The following GMDS variants were observed in gnomAD, a reference collection of about 807,000 sequenced individuals.
GMDS encodes GDP-mannose 4,6 dehydratase.
Under a neutral mutation model 49.9 loss-of-function variants are expected in GMDS, and 20 were observed. The ratio of observed to expected loss-of-function variants is 0.40; its 90% CI spans 0.28 to 0.58. The LOEUF is 0.58. Among genes scored for constraint, GMDS ranks in the 20% least tolerant of loss-of-function variants. The pLI is 0.42. For missense variants in GMDS, 362 were observed against 481.4 expected (o/e 0.75, Z 2.32); for synonymous variants, 177 against 178.6 (o/e 0.99, Z 0.07).
chr6:1,892,354 C>T (rs1581315340), intron 7 of GMDS, among the ~76,000 whole-genome samples: 2 of 152,084 alleles, frequency 1.3e-5, no homozygotes, highest in South Asian at 4.2e-4. Context: ...CATAAATCCA[C>T]TTTTAATTAA....
At chr6:2,242,228 G>A (rs1235927623) in intron 1 of GMDS, among the ~76,000 whole-genome samples, 1 of 152,184 alleles carries the variant, frequency 6.6e-6, no homozygotes, top group Non-Finnish European at 1.5e-5. Flanking sequence ...AGAGGTACAA[G>A]GCAACAGTAT....
intron 7 of GMDS, among the ~76,000 whole-genome samples, chr6:1,749,168 T>C (rs1767627893): frequency 6.6e-6 from 1 of 152,130 alleles, no homozygotes; most frequent in African/African-American, 2.4e-5. Flanking sequence ...GTGTGATTAG[T>C]GGAAAGGAGC....
At chr6:2,020,692 G>A (rs1768225773) in intron 4 of GMDS, among the ~76,000 whole-genome samples, 1 of 151,970 alleles carries the variant, frequency 6.6e-6, no homozygotes, top group Admixed American at 6.6e-5. Context: ...AATCCAGTGG[G>A]GGAAATTAAT....
intron 1 of GMDS, among the ~76,000 whole-genome samples, chr6:2,171,466 C>A (rs1304280513): frequency 6.6e-6 from 1 of 152,120 alleles, no homozygotes; most frequent in African/African-American, 2.4e-5. Context: ...AAATAAATGG[C>A]AGATGTGTTG....
chr6:1,637,506 C>G (rs936598412), intron 9 of GMDS, among the ~76,000 whole-genome samples: 1 of 152,252 alleles, frequency 6.6e-6, no homozygotes, highest in African/African-American at 2.4e-5. Flanking sequence ...TGCTTATGCT[C>G]TCTCGTGGCT....
chr6:1,775,938 A>G (rs1418328445), intron 7 of GMDS, among the ~76,000 whole-genome samples: 1 of 152,174 alleles, frequency 6.6e-6, no homozygotes, highest in Admixed American at 6.5e-5. Flanking sequence ...TTTGAGAAAT[A>G]AAAAAAGGGA....
chr6:2,234,687 G>A (rs533143257), intron 1 of GMDS, among the ~76,000 whole-genome samples: 1 of 152,250 alleles, frequency 6.6e-6, no homozygotes, highest in African/African-American at 2.4e-5. Context: ...TCGAGGGCAG[G>A]CCCTATTAGC....
chr6:1,950,456 C>T (rs181622358), intron 6 of GMDS, among the ~76,000 whole-genome samples: 15 of 152,236 alleles, frequency 9.9e-5, no homozygotes, highest in African/African-American at 3.1e-4. Flanking sequence ...TGACTTGGCT[C>T]GTGAATCAGT....
intron 1 of GMDS, among the ~76,000 whole-genome samples, chr6:2,168,965 C>T (rs1388374893): frequency 6.6e-6 from 1 of 152,224 alleles, no homozygotes; most frequent in Admixed American, 6.5e-5. Flanking sequence ...TAACCAAGAC[C>T]GTATCATGTA....
intron 7 of GMDS, among the ~76,000 whole-genome samples, chr6:1,921,353 T>C (rs1041648952): frequency 4.6e-5 from 7 of 152,254 alleles, no homozygotes; most frequent in Non-Finnish European, 1.0e-4. Flanking sequence ...ATATGGGTGA[T>C]ACAGGTGTCT....
At chr6:2,166,528 C>T (rs1777678011) in intron 1 of GMDS, among the ~76,000 whole-genome samples, 1 of 152,168 alleles carries the variant, frequency 6.6e-6, no homozygotes, top group African/African-American at 2.4e-5. Context: ...AATTCAAATT[C>T]GGATCTGACT....
intron 9 of GMDS, among the ~76,000 whole-genome samples, chr6:1,632,382 G>A (rs1484488194): frequency 6.6e-6 from 1 of 152,184 alleles, no homozygotes; most frequent in East Asian, 1.9e-4. Context: ...GGTCCCAGAA[G>A]AGGCATCCAT....
At chr6:1,779,522 T>A (rs1383454520) in intron 7 of GMDS, among the ~76,000 whole-genome samples, 1 of 152,142 alleles carries the variant, frequency 6.6e-6, no homozygotes, top group Non-Finnish European at 1.5e-5. Context: ...GAGTCTGCGA[T>A]TTTCCAGCGA....
At chr6:1,953,950 A>T (rs1763497807) in intron 6 of GMDS, among the ~76,000 whole-genome samples, 2 of 152,180 alleles carry the variant, frequency 1.3e-5, no homozygotes, top group Admixed American at 6.5e-5. Flanking sequence ...ATTTTTGTAC[A>T]TGTCTATTTC....
At chr6:1,706,512 C>T (rs1294698762) in intron 9 of GMDS, among the ~76,000 whole-genome samples, 1 of 152,234 alleles carries the variant, frequency 6.6e-6, no homozygotes, top group Non-Finnish European at 1.5e-5. Flanking sequence ...TAACATACTT[C>T]ACCACTGTTT....
At chr6:1,982,860 G>C (rs1055955183) in intron 4 of GMDS, among the ~76,000 whole-genome samples, 2 of 151,954 alleles carry the variant, frequency 1.3e-5, no homozygotes, top group African/African-American at 4.8e-5. Context: ...ATTCTTAATG[G>C]AATTAGAAAA....
intron 7 of GMDS, among the ~76,000 whole-genome samples, chr6:1,880,205 T>C (rs1561862291): frequency 4.1e-5 from 6 of 147,802 alleles, no homozygotes; most frequent in Admixed American, 3.5e-4. Context: ...CCCAGCACTT[T>C]GGGAGGCTGA....
At chr6:2,134,043 T>G (rs1483859721) in intron 1 of GMDS, among the ~76,000 whole-genome samples, 1 of 152,182 alleles carries the variant, frequency 6.6e-6, no homozygotes, top group African/African-American at 2.4e-5. Flanking sequence ...CAAAATAACT[T>G]GTGGTGGGCG....
At chr6:2,150,586 T>C (rs1657100313) in intron 1 of GMDS, among the ~76,000 whole-genome samples, 1 of 152,168 alleles carries the variant, frequency 6.6e-6, no homozygotes, top group African/African-American at 2.4e-5. Flanking sequence ...AGTTTTCTCA[T>C]CTATAAAATT....
Sources: gnomAD v4.1 joint callset for allele counts (sites outside exome capture counted in the v4.1 genomes callset) on GRCh38, gnomAD v4.1.1 for gene constraint, MANE v1.5 for transcripts, NCBI Gene and HGNC (gene_info 2026-07-23, HGNC 2026-07-21) for gene names.